LY75: variants seen among roughly 807,000 people sequenced by gnomAD.
The protein encoded by LY75 is lymphocyte antigen 75, also known as C-type lectin domain family 13 member B.
A neutral mutation model predicts 231.7 loss-of-function variants in LY75; 185 were observed. The ratio of observed to expected loss-of-function variants is 0.80; its 90% CI spans 0.71 to 0.90. LY75 has a LOEUF of 0.90. Ranked by LOEUF, LY75 falls within the 40% of genes least tolerant of loss-of-function variation. LY75 has a pLI of 0.00. For missense variants in LY75, 1,947 were observed against 2,050.2 expected, an observed-to-expected ratio of 0.95 and a Z score of 0.97; for synonymous variants, 668 against 689.0, an observed-to-expected ratio of 0.97 and a Z score of 0.48.
At chr2:159,868,417 A>G (rs2125865239) in intron 13 of LY75, among the ~76,000 whole-genome samples, 1 of 152,286 alleles carries the variant, frequency 6.6e-6, no homozygotes, top group South Asian at 2.1e-4. Flanking sequence ...AAGTAAACAG[A>G]AAGGGTTTAC....
At chr2:159,831,807 A>C (rs1458145636) in intron 27 of LY75, 21 bp from the exon 28 acceptor site, 1 of 1,577,096 alleles carries the variant, frequency 6.3e-7, no homozygotes, top group Non-Finnish European at 8.6e-7. Context: ...AAAAATAATC[A>C]ATAATTTTAA....
At chr2:159,847,988 C>G (rs911702695) in intron 23 of LY75, among the ~76,000 whole-genome samples, 1 of 151,202 alleles carries the variant, frequency 6.6e-6, no homozygotes, top group African/African-American at 2.4e-5. Context: ...AAATATTGTG[C>G]AATCCAATTC....
At chr2:159,811,471 T>C (rs1218113683) in intron 31 of LY75, among the ~76,000 whole-genome samples, 1 of 152,196 alleles carries the variant, frequency 6.6e-6, no homozygotes, top group Non-Finnish European at 1.5e-5. Flanking sequence ...AACTGGAAAG[T>C]AAATTGTCAA....
chr2:159,810,530 T>G lies in LY75; in HGVS notation c.4695A>C (p.Lys1565Asn), dbSNP rs766554250. The change falls in exon 32 of 35, where the codon AAA becomes AAC. Residue 1565 changes from lysine (K) to asparagine (N), a missense_variant. Lys to Asn is a moderately conservative substitution (Grantham distance 94). Transcript: ENST00000263636. Reference protein sequence around the residue: ...SFSEAKKLCSKHDHSATIVSI... With the variant: ...SFSEAKKLCSNHDHSATIVSI... ...AATCAACAAATTTTAACTCACCATG[T>G]TTTGAACACAATTTTTTGGCCTCTG... The G allele has an allele frequency of 6.2e-7, 1 of 1,612,298 alleles. No homozygotes were observed. The highest frequency in any genetic ancestry group is 2.2e-5 in the East Asian group (1 of 44,870).
rs1038452286 is a variant in LY75, at chr2:159,858,453, T to G, written c.2292A>C (p.Arg764Ser). 6.2e-7 allele frequency: 1 copy of G among 1,612,844 alleles called. No individual in the cohort carries two copies. The highest frequency in any genetic ancestry group is 1.3e-5 in the African/African-American group (1 of 74,896). The change falls in exon 16 of 35, where the codon AGA (arginine) becomes AGC (serine). Residue 764 changes from arginine (R) to serine (S), a missense_variant. Coordinates refer to ENST00000263636, the MANE Select transcript of LY75 (RefSeq NM_002349.4). ...CTCTATCATCATAGAAATGCCAGCC[T>G]CTTCGCCATGGCCTATGAAATACCT... ...AVKVFHRPWR[R>S]GWHFYDDREF...
At chr2:159,861,128 A>C (rs1027606947) in intron 14 of LY75, among the ~76,000 whole-genome samples, 1 of 152,188 alleles carries the variant, frequency 6.6e-6, no homozygotes, top group African/African-American at 2.4e-5. Flanking sequence ...TAGTGTATTA[A>C]GTTCGCCGCT....
Position 159,816,818 on chromosome 2 carries a change from G to C in LY75, c.4368C>G (p.Leu1456=). The change falls in exon 30 of 35, where the codon CTC becomes CTG. Residue 1456 remains leucine (L), a synonymous_variant. Coordinates refer to ENST00000263636, the MANE Select transcript of LY75 (RefSeq NM_002349.4). ...AAGCAAGACTTACATCATGACTTGA[G>C]AGCCCAACCCATAGTGGAAATCCAT... ...KRDGFPLWVG[L]SSHDGSESSF... is the part of the protein sequence containing the mutation. The C allele has an allele frequency of 6.2e-7, 1 of 1,613,788 alleles. No homozygotes were observed. The highest frequency in any genetic ancestry group is 8.5e-7 in the Non-Finnish European group (1 of 1,179,800).
chr2:159,891,919 A>G (rs1685771405), intron 3 of LY75, among the ~76,000 whole-genome samples: 2 of 152,268 alleles, frequency 1.3e-5, no homozygotes, highest in African/African-American at 4.8e-5. Flanking sequence ...AGTTAAATGA[A>G]GTTGATACCT....
Position 159,899,016 on chromosome 2 carries a change from G to A in LY75, c.138C>T (p.Cys46=), listed in dbSNP as rs138795888. 1,778 of 1,614,038 alleles carry A rather than the reference G, an allele frequency of 1.1e-3. 12 individuals carry two copies. The highest frequency in any genetic ancestry group is 6.2e-3 in the South Asian group (566 of 91,088). The change falls in exon 2 of 35, where the codon TGC becomes TGT. Residue 46 remains cysteine (C), a synonymous_variant. Transcript: ENST00000263636. ...CTATCCAGCCATACACTGGCTTGAT[G>A]CACTTGCCCGTATTTCCATGGACGA... ...FTIVHGNTGK[C]IKPVYGWIVA... is the part of the protein sequence containing the mutation.
intron 28 of LY75, among the ~76,000 whole-genome samples, chr2:159,828,881 A>G (rs1683563317): frequency 6.6e-6 from 1 of 152,204 alleles, no homozygotes; most frequent in African/African-American, 2.4e-5. Context: ...TGCTTAATGG[A>G]AAAAGCCAGT....
intron 8 of LY75, among the ~76,000 whole-genome samples, chr2:159,879,873 A>C (rs1450585884): frequency 1.3e-5 from 2 of 152,200 alleles, no homozygotes; most frequent in African/African-American, 4.8e-5. Context: ...TCTCTTTCAT[A>C]TATGCTACTT....
chr2:159,827,906 A>G (rs1229097725), intron 28 of LY75, among the ~76,000 whole-genome samples: 1 of 152,154 alleles, frequency 6.6e-6, no homozygotes, highest in Non-Finnish European at 1.5e-5. Flanking sequence ...GAGTTGAACA[A>G]TGAGAACACA....
chr2:159,850,440 G>C lies in LY75; in HGVS notation c.2911C>G (p.Leu971Val). 1 of 1,613,586 alleles carries C rather than the reference G, an allele frequency of 6.2e-7. No homozygotes were observed. Among genetic ancestry groups the C allele is most frequent in the Non-Finnish European group, 8.5e-7 (1 of 1,179,672 alleles). ...KCFLKIKPVSLTFSQASDTCH... is the reference protein window; with the variant it reads ...KCFLKIKPVSVTFSQASDTCH... ...GTATCGCTTGCTTGAGAAAATGTGA[G>C]AGACACGGGTTTGATCTTTAGAAAA... Residue 971 changes from leucine (L) to valine (V), a missense_variant, in exon 22 of 35, where the codon CTC becomes GTC. Leu to Val is a conservative substitution (Grantham distance 32, BLOSUM62 1). Transcript: ENST00000263636.
chr2:159,900,017 A>G (rs1321752199), intron 1 of LY75, among the ~76,000 whole-genome samples: 1 of 152,202 alleles, frequency 6.6e-6, no homozygotes, highest in Non-Finnish European at 1.5e-5. Context: ...CTGAACCCCA[A>G]ACTCCAGGAA....
rs112925322 is a variant in LY75, at chr2:159,885,899, G to T, written c.913+521C>A. 9.0e-4 allele frequency among the ~76,000 whole-genome samples: 137 copies of T among 152,146 alleles called. 1 individual carries two copies. Among genetic ancestry groups the T allele is most frequent in the African/African-American group, 3.1e-3 (130 of 41,514 alleles). ...TTCAAAGTTGTCTAATCCTTCCTTTGGGAAGAATGCTTTTTGGCTAAGTGG... is the reference window on the plus strand; with the variant it reads ...TTCAAAGTTGTCTAATCCTTCCTTTTGGAAGAATGCTTTTTGGCTAAGTGG... On this transcript the variant is annotated intron_variant, in intron 5 of 34. Coordinates refer to ENST00000263636, the MANE Select transcript of LY75 (RefSeq NM_002349.4).
intron 27 of LY75, among the ~76,000 whole-genome samples, chr2:159,833,146 T>TTTTTTGG (rs1683717207): frequency 6.6e-6 from 1 of 151,040 alleles, no homozygotes; most frequent in African/African-American, 2.4e-5. Context: ...TTTTTTTTTT[T>TTTTTTGG]GGAGATAGGG....
At chr2:159,902,735 T>A (rs1344423584) in intron 1 of LY75, 1 of 152,208 alleles carries the variant, frequency 6.6e-6, no homozygotes, top group Non-Finnish European at 1.5e-5. Flanking sequence ...GAAGTGACAG[T>A]TGAGTCCATG....
chr2:159,879,099 A>G (rs964634553), intron 9 of LY75, among the ~76,000 whole-genome samples, 160 bp downstream of exon 9: 2 of 152,220 alleles, frequency 1.3e-5, no homozygotes, highest in Admixed American at 1.3e-4. Flanking sequence ...GAAGGCCAAT[A>G]TGCTATGACT....
chr2:159,832,183 C>T (rs573727149), intron 27 of LY75, among the ~76,000 whole-genome samples: 13 of 152,122 alleles, frequency 8.5e-5, no homozygotes, highest in Non-Finnish European at 1.6e-4. Context: ...TCCCAACCCC[C>T]GGGCCACACA....
Sources: gnomAD v4.1 joint callset for allele counts (sites outside exome capture counted in the v4.1 genomes callset) on GRCh38, gnomAD v4.1.1 for gene constraint, MANE v1.5 for transcripts, NCBI Gene and HGNC (gene_info 2026-07-23, HGNC 2026-07-21) for gene names.